SYT13: variants seen among roughly 807,000 people sequenced by gnomAD.
SYT13 encodes synaptotagmin 13.
In SYT13, 21 loss-of-function variants were observed where a neutral mutation model predicts 38.6. The ratio of observed to expected loss-of-function variants is 0.54; its 90% CI spans 0.39 to 0.78. The LOEUF is 0.78. Among genes scored for constraint, SYT13 ranks in the 30% least tolerant of loss-of-function variants. The pLI is 0.00. For missense variants in SYT13, 495 were observed against 548.7 expected, an observed-to-expected ratio of 0.90 and a Z score of 0.98; for synonymous variants, 241 against 237.6, an observed-to-expected ratio of 1.01 and a Z score of -0.13.
intron 5 of SYT13, among the ~76,000 whole-genome samples, chr11:45,245,372 C>T (rs987328031): frequency 2.6e-5 from 4 of 152,152 alleles, no homozygotes; most frequent in Admixed American, 6.5e-5. Flanking sequence ...AGTTGAGAGA[C>T]GAAGTGTTGT....
At position 45,255,757 on chromosome 11, in the gene SYT13, C is replaced by T. The variant is rs1854737436; in HGVS notation, c.318G>A (p.Glu106=). Residue 106 remains glutamate, a synonymous_variant, in exon 2 of 6, where the codon GAG becomes GAA. Transcript: ENST00000020926. The part of the protein sequence containing the change: ...NYADYSLRST[E]EPTAPASPQP... ...GGGGGCTGGCAGGTGCAGTGGGCTCCTCCGTAGACCTCAGTGAATAGTCTG... is the reference window on the plus strand; with the variant it reads ...GGGGGCTGGCAGGTGCAGTGGGCTCTTCCGTAGACCTCAGTGAATAGTCTG... 1.2e-6 allele frequency: 2 copies of T among 1,614,054 alleles called. No individual in the cohort carries two copies. The highest frequency in any genetic ancestry group is 1.1e-5 in the South Asian group (1 of 91,082).
intron 1 of SYT13, among the ~76,000 whole-genome samples, chr11:45,266,573 C>T (rs1045627108): frequency 6.6e-6 from 1 of 151,642 alleles, no homozygotes; most frequent in South Asian, 2.1e-4. Context: ...GCATTAAGTC[C>T]ATTACATCAA....
intron 5 of SYT13, 33 bp downstream of exon 5, chr11:45,246,350 G>A (rs1590506297): frequency 6.2e-7 from 1 of 1,608,516 alleles, no homozygotes; most frequent in Non-Finnish European, 8.5e-7. Flanking sequence ...GGTAGCTGGA[G>A]GGGCCTTGGC....
In SYT13 at chr11:45,255,915, T is replaced by G. The variant is rs1394477353; in HGVS notation, c.184-24A>C. The G allele has an allele frequency of 2.5e-6, 4 of 1,611,798 alleles. No homozygotes were observed. The African/African-American group carries it at 4.0e-5, about 16-fold the overall frequency. ...AACTGCAAACACAAATTACTCTGAT[T>G]AGTCCACAAAGGAGCCCTCTTGTCT... On this transcript the variant is annotated intron_variant, in intron 1 of 5. Coordinates refer to ENST00000020926, the MANE Select transcript of SYT13 (RefSeq NM_020826.3).
Position 45,242,199 on chromosome 11 carries a change from C to G in SYT13, c.*1853G>C, listed in dbSNP as rs768784117. 1 of 152,070 alleles carries G rather than the reference C, an allele frequency of 6.6e-6. No individual in the cohort carries two copies. The highest frequency in any genetic ancestry group is 1.5e-5 in the Non-Finnish European group (1 of 68,010). 9.4% of individuals were successfully genotyped at this position (152,070 alleles called of 1,614,324 possible). ...AGTTTTAATATTAATAGAGAGGGGT[C>G]CAAAGGCAGAATCCATGGTTCTGGA... On this transcript the variant is annotated 3_prime_UTR_variant, in exon 6 of 6. Coordinates refer to ENST00000020926, the MANE Select transcript of SYT13 (RefSeq NM_020826.3).
intron 1 of SYT13, among the ~76,000 whole-genome samples, chr11:45,264,120 G>A (rs1338629980): frequency 6.6e-6 from 1 of 152,156 alleles, no homozygotes; most frequent in African/African-American, 2.4e-5. Context: ...CATTGAGTGT[G>A]AGCATTACAA....
chr11:45,251,691 TG>T (rs971821822), intron 4 of SYT13, among the ~76,000 whole-genome samples: 6 of 152,110 alleles, frequency 3.9e-5, no homozygotes, highest in African/African-American at 1.4e-4. Flanking sequence ...TCCTGGCGCA[TG>T]GGAAACAATG....
At chr11:45,286,329 GGGACGGAGGGAGGGAGGACGGCTGCGA>G in exon 1 of SYT13, 1 of 1,203,444 alleles carries the variant, frequency 8.3e-7, no homozygotes, top group East Asian at 2.8e-5. Flanking sequence ...CAGAGGGGCG[GGGACGGAGGGAGGGAGGACGGCTGCGA>G]GGACGTCAGA....
At chr11:45,249,142 T>C (rs577401477) in intron 4 of SYT13, among the ~76,000 whole-genome samples, 8 of 152,154 alleles carry the variant, frequency 5.3e-5, no homozygotes, top group African/African-American at 1.4e-4. Flanking sequence ...CCAACAGACA[T>C]ATGAAAAAAT....
intron 2 of SYT13, 79 bp from the exon 3 acceptor site, chr11:45,254,483 A>G: frequency 6.6e-7 from 1 of 1,526,542 alleles, no homozygotes; most frequent in Non-Finnish European, 8.8e-7. Context: ...CATCTCTATC[A>G]CCTATGCCAG....
At chr11:45,246,353 G>T (rs750248795) in intron 5 of SYT13, 30 bp downstream of exon 5, 37 of 1,611,104 alleles carry the variant, frequency 2.3e-5, no homozygotes, top group Non-Finnish European at 1.3e-5. Context: ...AGCTGGAGGG[G>T]CCTTGGCCAT....
At chr11:45,267,439 T>C (rs113343658) in intron 1 of SYT13, among the ~76,000 whole-genome samples, 1,970 of 152,216 alleles carry the variant, frequency 0.013, 43 homozygotes, top group African/African-American at 0.046. Flanking sequence ...CAGCTTCATT[T>C]GGGGAGTGCA....
At chr11:45,267,403 G>A (rs1195488980) in intron 1 of SYT13, among the ~76,000 whole-genome samples, 3 of 152,140 alleles carry the variant, frequency 2.0e-5, no homozygotes, top group Admixed American at 6.5e-5. Context: ...GACTGTCAGC[G>A]CCAATTCCCA....
Position 45,246,503 on chromosome 11 carries a change from C to G in SYT13, c.856G>C (p.Ala286Pro), listed in dbSNP as rs530321611. 1.9e-6 allele frequency: 3 copies of G among 1,613,996 alleles called. No individual in the cohort carries two copies. In the South Asian group the frequency reaches 3.3e-5, roughly 18 times the overall value. Residue 286 changes from alanine to proline, a missense_variant, in exon 5 of 6, where the codon GCA becomes CCA. Physicochemically the swap from Ala to Pro is conservative, Grantham distance 27. Coordinates refer to ENST00000020926, the MANE Select transcript of SYT13 (RefSeq NM_020826.3). ...ELKTSAKEPS[A>P]GAGEVLLSIS... ...GATAGTAGGACCTCTCCAGCTCCTG[C>G]AGATGGCTCCTGAAACAGAAAAGGA...
At chr11:45,261,209 G>C (rs1854810691) in intron 1 of SYT13, among the ~76,000 whole-genome samples, 1 of 152,294 alleles carries the variant, frequency 6.6e-6, no homozygotes, top group Admixed American at 6.5e-5. Context: ...CAACAAAACA[G>C]AAAATAACAA....
At position 45,246,526 on chromosome 11, in the gene SYT13, G is replaced by A; in HGVS notation, c.847-14C>T. 6.2e-7 allele frequency: 1 copy of A among 1,613,212 alleles called. No homozygotes were observed. The highest frequency in any genetic ancestry group is 2.2e-5 in the East Asian group (1 of 44,850). On this transcript the variant is annotated splice_polypyrimidine_tract_variant and intron_variant, in intron 4 of 5. Transcript: ENST00000020926. Reference sequence around the variant, plus strand: ...TGCAGATGGCTCCTGAAACAGAAAAGGAGATGCAGGAGGGGAGTCTCACCT... The same window carrying A: ...TGCAGATGGCTCCTGAAACAGAAAAAGAGATGCAGGAGGGGAGTCTCACCT...
chr11:45,266,731 T>C (rs868347596), intron 1 of SYT13, among the ~76,000 whole-genome samples: 5 of 152,252 alleles, frequency 3.3e-5, no homozygotes, highest in Middle Eastern at 3.4e-3. Context: ...GCAGAGAAAA[T>C]TTTCCTGGAG....
At chr11:45,277,020 G>A (rs1160025012) in intron 1 of SYT13, among the ~76,000 whole-genome samples, 2 of 152,102 alleles carry the variant, frequency 1.3e-5, no homozygotes, top group Non-Finnish European at 2.9e-5. Context: ...ATGGGTGAAT[G>A]GATAAACAAA....
At chr11:45,250,490 TGGA>T (rs1419366970) in intron 4 of SYT13, among the ~76,000 whole-genome samples, 6 of 152,240 alleles carry the variant, frequency 3.9e-5, no homozygotes, top group Non-Finnish European at 8.8e-5. Flanking sequence ...CTAGATTGGC[TGGA>T]TTTCTGCCCT....
Sources: allele counts gnomAD v4.1 joint callset (sites outside exome capture counted in the v4.1 genomes callset), GRCh38; gene constraint gnomAD v4.1.1; transcripts MANE v1.5; gene names NCBI Gene and HGNC (gene_info 2026-07-23, HGNC 2026-07-21).